PAPPA2: variants seen among roughly 807,000 people sequenced by gnomAD.
PAPPA2 encodes the protein pappalysin 2.
A neutral mutation model predicts 176.4 loss-of-function variants in PAPPA2; 86 were observed. That is an observed-to-expected ratio of 0.49 (90% CI 0.41 to 0.58). PAPPA2 has a LOEUF of 0.58. Ranked by LOEUF, PAPPA2 falls within the 20% of genes least tolerant of loss-of-function variation. PAPPA2 has a pLI of 0.00. For synonymous variants in PAPPA2, 809 were observed against 852.2 expected (o/e 0.95, Z 0.88); for missense variants, 2,073 against 2,256.9 (o/e 0.92, Z 1.65).
chr1:176,757,634 T>G (rs999220302), intron 14 of PAPPA2, among the ~76,000 whole-genome samples: 1 of 152,246 alleles, frequency 6.6e-6, no homozygotes, highest in African/African-American at 2.4e-5. Flanking sequence ...TTGCAAAAAC[T>G]TGCTTCCATT....
chr1:176,515,674 C>T (rs939770387), intron 1 of PAPPA2, among the ~76,000 whole-genome samples: 7 of 152,110 alleles, frequency 4.6e-5, no homozygotes, highest in African/African-American at 9.7e-5. Flanking sequence ...CTGCACTGGG[C>T]GAGGCTGGCT....
rs553799259 is a variant in PAPPA2 at position 176,515,800 on chromosome 1, C to G, written c.-916-39607C>G. On this transcript the variant is annotated intron_variant, in intron 1 of 22. Coordinates refer to ENST00000367662, the MANE Select transcript of PAPPA2 (RefSeq NM_020318.3). ...TTTCTTCTTTCTAGAGAAATGTTCACTATGCCATGAAGTAGCTGTCACTTA... is the reference window on the plus strand; with the variant it reads ...TTTCTTCTTTCTAGAGAAATGTTCAGTATGCCATGAAGTAGCTGTCACTTA... Among the ~76,000 whole-genome samples the G allele has an allele frequency of 2.5e-4, 38 of 152,204 alleles. No individual in the cohort carries two copies. The South Asian group carries it at 7.9e-3, about 32-fold the overall frequency.
In PAPPA2 at chr1:176,595,090, C is replaced by A. The variant is rs752394427; in HGVS notation, c.1486C>A (p.Pro496Thr). 4 of 1,614,136 alleles carry A rather than the reference C, an allele frequency of 2.5e-6. No homozygotes were observed. The East Asian group carries it at 6.7e-5, about 27-fold the overall frequency. Residue 496 changes from proline to threonine, a missense_variant, in exon 3 of 23, where the codon CCC becomes ACC. By Grantham distance (38) the Pro-to-Thr change is conservative. This residue lies in a region of PAPPA2 where 1,196 missense variants were observed against 1,330.4 expected (regional missense o/e 0.90). Coordinates refer to ENST00000367662, the MANE Select transcript of PAPPA2 (RefSeq NM_020318.3). ...GCCTGAGATTCTGTCGCCTTTGCAG[C>A]CCCCACTCTGTGGGCAAACAGTCTG... ...PEPEILSPLQ[P>T]PLCGQTVCDN...
Position 176,710,056 on chromosome 1 carries a change from A to G in PAPPA2, c.3531A>G (p.Val1177=), listed in dbSNP as rs1661073665. ...CTTTTGAGAGAAAAACCAGCATTGT[A>G]GACTGTGGCATCTACACTCCCAAAG... The part of the protein sequence containing the change: ...CEPFERKTSI[V]DCGIYTPKGY... The change falls in exon 11 of 23, where the codon GTA becomes GTG. Residue 1177 remains valine, a synonymous_variant. Transcript: ENST00000367662. 3.7e-6 allele frequency: 6 copies of G among 1,613,668 alleles called. No homozygotes were observed. The highest frequency in any genetic ancestry group is 5.1e-6 in the Non-Finnish European group (6 of 1,179,718).
At chr1:176,623,762 T>TCTTTCTTC (rs771529328) in intron 3 of PAPPA2, among the ~76,000 whole-genome samples, 4 of 65,680 alleles carry the variant, frequency 6.1e-5, no homozygotes, top group African/African-American at 2.7e-4. Flanking sequence ...TTCCTTCCTT[T>TCTTTCTTC]CTTTCTTTCT....
intron 3 of PAPPA2, among the ~76,000 whole-genome samples, chr1:176,621,947 A>G (rs1655624164): frequency 1.3e-5 from 2 of 152,180 alleles, no homozygotes; most frequent in African/African-American, 4.8e-5. Flanking sequence ...TAAATTTGAA[A>G]TATTTCACAG....
At position 176,662,716 on chromosome 1, in the gene PAPPA2, G is replaced by A. The variant is rs180953527; in HGVS notation, c.1992-8254G>A. Among the ~76,000 whole-genome samples the A allele has an allele frequency of 1.4e-3, 211 of 151,810 alleles. 2 individuals are homozygous for A. The highest frequency in any genetic ancestry group is 5.0e-3 in the African/African-American group (208 of 41,406). On this transcript the variant is annotated intron_variant, in intron 3 of 22. Coordinates refer to ENST00000367662, the MANE Select transcript of PAPPA2 (RefSeq NM_020318.3). ...TTATATCTTCTTTCTGTTTTATTGG[G>A]ACAATCTAGGATTAAATTGATTTTT...
intron 2 of PAPPA2, among the ~76,000 whole-genome samples, chr1:176,588,988 GC>G (rs1653493591): frequency 6.6e-6 from 1 of 152,144 alleles, no homozygotes; most frequent in African/African-American, 2.4e-5. Flanking sequence ...GGATAGAGTC[GC>G]ACATAGTAGA....
rs796362150 is a variant in PAPPA2, at chr1:176,759,029, A to C, written c.4152-6637A>C. On this transcript the variant is annotated intron_variant, in intron 14 of 22. Transcript: ENST00000367662. Reference sequence around the variant, plus strand: ...AGGGGCAAGCCAAGACCAGAACCCAAGTCATGTGGCCTTGGTCTACTACTT... The same window carrying C: ...AGGGGCAAGCCAAGACCAGAACCCACGTCATGTGGCCTTGGTCTACTACTT... Among the ~76,000 whole-genome samples, 3 of 152,238 alleles carry C rather than the reference A, an allele frequency of 2.0e-5. No individual in the cohort carries two copies. The South Asian group carries it at 6.2e-4, about 31-fold the overall frequency.
At chr1:176,822,835 G>A (rs1434014010) in intron 21 of PAPPA2, among the ~76,000 whole-genome samples, 1 of 152,120 alleles carries the variant, frequency 6.6e-6, no homozygotes, top group Non-Finnish European at 1.5e-5. Context: ...AGTACTACAA[G>A]TTTTAGAATT....
At chr1:176,805,368 G>A (rs1665858363) in intron 21 of PAPPA2, among the ~76,000 whole-genome samples, 1 of 152,076 alleles carries the variant, frequency 6.6e-6, no homozygotes, top group African/African-American at 2.4e-5. Context: ...CTTTCCAGCA[G>A]TCTCCATTTT....
chr1:176,482,944 T>C (rs1232856444), intron 1 of PAPPA2, among the ~76,000 whole-genome samples: 1 of 152,134 alleles, frequency 6.6e-6, no homozygotes, highest in African/African-American at 2.4e-5. Context: ...GATGGGGGCA[T>C]CCTAAGGAAA....
intron 9 of PAPPA2, 43 bp downstream of exon 9, chr1:176,702,778 A>AGTGTGT: frequency 1.4e-6 from 1 of 726,760 alleles, no homozygotes; most frequent in South Asian, 3.3e-5. Flanking sequence ...TGTGTGTGTG[A>AGTGTGT]GAGAGAGAGA....
intron 14 of PAPPA2, among the ~76,000 whole-genome samples, chr1:176,750,779 G>A (rs1260982917): frequency 2.6e-5 from 4 of 152,152 alleles, no homozygotes; most frequent in Non-Finnish European, 5.9e-5. Flanking sequence ...AATTTATTGA[G>A]TGGAAATGGA....
At position 176,597,160 on chromosome 1, in the gene PAPPA2, G is replaced by A. The variant is rs554440528; in HGVS notation, c.1991+1565G>A. ...AATACAATTTGGAATCAAGGGACAT[G>A]GTTAAATTTTGGAGTCCTTGCTACT... is the stretch of plus-strand genomic sequence containing the variant. On this transcript the variant is annotated intron_variant, in intron 3 of 22. Coordinates refer to ENST00000367662, the MANE Select transcript of PAPPA2 (RefSeq NM_020318.3). 4.1e-3 allele frequency among the ~76,000 whole-genome samples: 627 copies of A among 152,294 alleles called. 4 individuals are homozygous for A. The highest frequency in any genetic ancestry group is 7.8e-3 in the Non-Finnish European group (533 of 68,018).
chr1:176,802,891 T>G (rs913070478), intron 21 of PAPPA2, among the ~76,000 whole-genome samples: 2 of 152,220 alleles, frequency 1.3e-5, no homozygotes, highest in African/African-American at 4.8e-5. Flanking sequence ...CCACTAAGAC[T>G]TTCTTTAAAA....
chr1:176,739,036 T>C (rs1662549111), intron 12 of PAPPA2, among the ~76,000 whole-genome samples: 1 of 152,054 alleles, frequency 6.6e-6, no homozygotes, highest in Non-Finnish European at 1.5e-5. Context: ...GGAAGACACA[T>C]AAGAATAAAC....
intron 1 of PAPPA2, among the ~76,000 whole-genome samples, chr1:176,471,793 A>G (rs1303789992): frequency 6.6e-6 from 1 of 152,000 alleles, no homozygotes; most frequent in Non-Finnish European, 1.5e-5. Context: ...TTTCTGTACA[A>G]TGTATTTGTT....
At chr1:176,693,380 G>T (rs1363256634) in intron 6 of PAPPA2, among the ~76,000 whole-genome samples, 1 of 152,250 alleles carries the variant, frequency 6.6e-6, no homozygotes, top group Non-Finnish European at 1.5e-5. Context: ...GTGAACTCGG[G>T]AGTCCAGTGG....
Sources: gnomAD v4.1 joint callset for allele counts (sites outside exome capture counted in the v4.1 genomes callset) on GRCh38, gnomAD v4.1.1 for gene constraint, gnomAD v4.1.1 regional missense constraint, MANE v1.5 for transcripts, NCBI Gene and HGNC (gene_info 2026-07-23, HGNC 2026-07-21) for gene names.